Variants in NBEA observed in about 807,000 individuals in gnomAD.
The protein encoded by NBEA is neurobeachin.
NBEA carries 44 observed loss-of-function variants against 343.4 expected under a neutral mutation model. That is an observed-to-expected ratio of 0.13 (90% CI 0.10 to 0.16). NBEA has a LOEUF of 0.16. NBEA is among the 10% of genes least tolerant of loss of function. The pLI is 1.00. For missense variants in NBEA, 2,555 were observed against 3,631.3 expected (o/e 0.70, Z 7.62); for synonymous variants, 1,175 against 1,238.7 (o/e 0.95, Z 1.08).
intron 33 of NBEA, among the ~76,000 whole-genome samples, chr13:35,219,314 G>A (rs189286546): frequency 2.0e-5 from 3 of 152,116 alleles, no homozygotes; most frequent in African/African-American, 4.8e-5. Flanking sequence ...AACAAGAAAC[G>A]GTTAAGTTGA....
intron 48 of NBEA, among the ~76,000 whole-genome samples, chr13:35,616,539 T>A (rs972613799): frequency 3.9e-5 from 6 of 152,178 alleles, no homozygotes; most frequent in Admixed American, 2.0e-4. Flanking sequence ...AAAAACCTGA[T>A]TCTCACCAGA....
intron 17 of NBEA, among the ~76,000 whole-genome samples, chr13:35,137,497 T>C (rs1025711069): frequency 6.6e-6 from 1 of 152,086 alleles, no homozygotes; most frequent in African/African-American, 2.4e-5. Context: ...CATCTGAAGT[T>C]TTAAAAATTT....
At chr13:35,184,170 T>TCATG in intron 30 of NBEA, 99 bp downstream of exon 30, 1 of 802,112 alleles carries the variant, frequency 1.2e-6, no homozygotes, top group Non-Finnish European at 1.9e-6. Context: ...AATAAGTATA[T>TCATG]ACCTCAGGTT....
At chr13:35,342,499 T>C (rs1388887891) in intron 36 of NBEA, among the ~76,000 whole-genome samples, 1 of 151,840 alleles carries the variant, frequency 6.6e-6, no homozygotes, top group Non-Finnish European at 1.5e-5. Context: ...CATAAGAAAA[T>C]CTCATAATGA....
chr13:35,468,350 T>A (rs1211323700), intron 40 of NBEA, among the ~76,000 whole-genome samples: 1 of 152,116 alleles, frequency 6.6e-6, no homozygotes, highest in East Asian at 1.9e-4. Context: ...CTTTATAATT[T>A]TGACTAAGCA....
chr13:34,974,079 T>C (rs2060087434), intron 1 of NBEA, among the ~76,000 whole-genome samples: 1 of 152,092 alleles, frequency 6.6e-6, no homozygotes, highest in Non-Finnish European at 1.5e-5. Flanking sequence ...TTTCCTGGGG[T>C]TGCACATTCA....
chr13:35,655,624 G>T lies in NBEA; in HGVS notation c.8237G>T (p.Cys2746Phe), dbSNP rs2084780040. 1 of 1,613,898 alleles carries T rather than the reference G, an allele frequency of 6.2e-7. No individual in the cohort carries two copies. ...IVFGHWDVVT[C>F]LARSESYIGG... ...TTTGGCCATTGGGATGTGGTCACTT[G>T]CTTGGCCAGGTCCGAGTCATACATT... is the stretch of plus-strand genomic sequence containing the variant. The change falls in exon 55 of 59, where the codon TGC (cysteine) becomes TTC (phenylalanine). Residue 2746 changes from cysteine (C) to phenylalanine (F), a missense_variant. Around this residue, in one of 21 missense-constraint regions of NBEA, gnomAD observed 186 missense variants for 328.9 expected, o/e 0.57. Transcript: ENST00000379939.
chr13:35,384,252 A>G (rs929443845), intron 38 of NBEA, among the ~76,000 whole-genome samples: 1 of 152,200 alleles, frequency 6.6e-6, no homozygotes, highest in African/African-American at 2.4e-5. Flanking sequence ...TCTAAAGAGT[A>G]TTTACTTATC....
intron 53 of NBEA, among the ~76,000 whole-genome samples, chr13:35,652,481 A>G (rs1381569122): frequency 2.0e-5 from 3 of 151,210 alleles, no homozygotes; most frequent in Non-Finnish European, 4.4e-5. Flanking sequence ...TCTACTAAAA[A>G]TATAAAAAAA....
At chr13:35,391,205 G>A (rs941729899) in intron 38 of NBEA, among the ~76,000 whole-genome samples, 4 of 151,634 alleles carry the variant, frequency 2.6e-5, no homozygotes, top group African/African-American at 9.7e-5. Flanking sequence ...AACCCAGGAG[G>A]CAGAGGTTGC....
chr13:35,253,452 T>A (rs73169707), intron 34 of NBEA, among the ~76,000 whole-genome samples: 7,983 of 152,286 alleles, frequency 0.052, 227 homozygotes, highest in South Asian at 0.079. Context: ...AACATAATTT[T>A]TATATACACT....
chr13:35,221,383 A>G (rs958518292), intron 33 of NBEA, among the ~76,000 whole-genome samples: 9 of 151,432 alleles, frequency 5.9e-5, no homozygotes, highest in African/African-American at 1.5e-4. Context: ...CCAATTGTCT[A>G]TCTTATCCAG....
At chr13:35,636,349 C>T (rs1196639651) in intron 49 of NBEA, among the ~76,000 whole-genome samples, 1 of 151,998 alleles carries the variant, frequency 6.6e-6, no homozygotes, top group African/African-American at 2.4e-5. Context: ...TTACTGTTGC[C>T]CATTTATGTC....
intron 36 of NBEA, among the ~76,000 whole-genome samples, chr13:35,325,818 T>A (rs1447177904): frequency 6.6e-6 from 1 of 152,030 alleles, no homozygotes; most frequent in Non-Finnish European, 1.5e-5. Context: ...AATCTTTCTT[T>A]AGTTAATTTT....
Position 35,633,584 on chromosome 13 carries a change from A to T in NBEA, c.7617+5336A>T, listed in dbSNP as rs532398661. Reference sequence around the variant, plus strand: ...TGGGAATGATATTATAAGTTGTATCACAGCTCAACCATTAGTATTTGAGTG... The same window carrying T: ...TGGGAATGATATTATAAGTTGTATCTCAGCTCAACCATTAGTATTTGAGTG... On this transcript the variant is annotated intron_variant, in intron 49 of 58. Transcript: ENST00000379939. Among the ~76,000 whole-genome samples, 3 of 152,026 alleles carry T rather than the reference A, an allele frequency of 2.0e-5. No individual in the cohort carries two copies. The South Asian group carries it at 6.3e-4, about 32-fold the overall frequency.
At chr13:35,207,726 A>G (rs1262753000) in intron 31 of NBEA, among the ~76,000 whole-genome samples, 1 of 152,182 alleles carries the variant, frequency 6.6e-6, no homozygotes, top group Non-Finnish European at 1.5e-5. Context: ...CTGTTAAAGA[A>G]ACCAAGGCTC....
Position 34,950,286 on chromosome 13 carries a change from T to C in NBEA, c.294+7172T>C, listed in dbSNP as rs375864649. 8.5e-5 allele frequency among the ~76,000 whole-genome samples: 13 copies of C among 152,288 alleles called. No homozygotes were observed. In the East Asian group the frequency reaches 1.7e-3, roughly 20 times the overall value. ...AAAATGTTAGAATGTAAGTCTAGAA[T>C]TGATTGCAGTCTGCACCATGAAGTC... On this transcript the variant is annotated intron_variant, in intron 1 of 58. Coordinates refer to ENST00000379939, the MANE Select transcript of NBEA (RefSeq NM_001385012.1).
chr13:35,279,924 G>A (rs964190463), intron 34 of NBEA, among the ~76,000 whole-genome samples: 8 of 152,060 alleles, frequency 5.3e-5, no homozygotes, highest in Non-Finnish European at 1.0e-4. Context: ...ACCTGGAGAA[G>A]TTATCCATTT....
chr13:35,461,700 C>T (rs1216599298), intron 40 of NBEA, among the ~76,000 whole-genome samples: 3 of 152,242 alleles, frequency 2.0e-5, no homozygotes, highest in Middle Eastern at 3.4e-3. Context: ...TGTCCTGGTC[C>T]TCTCCCTGAA....
Sources: gnomAD v4.1 joint callset for allele counts (sites outside exome capture counted in the v4.1 genomes callset) on GRCh38, gnomAD v4.1.1 for gene constraint, gnomAD v4.1.1 regional missense constraint, MANE v1.5 for transcripts, NCBI Gene and HGNC (gene_info 2026-07-23, HGNC 2026-07-21) for gene names.